The following PPAT variants were observed in gnomAD, a reference collection of about 807,000 sequenced individuals.
PPAT encodes amidophosphoribosyltransferase.
PPAT carries 20 observed loss-of-function variants against 60.2 expected under a neutral mutation model. The observed-to-expected ratio is 0.33, with a 90% confidence interval of 0.23 to 0.48. The LOEUF is 0.48. PPAT is among the 20% of genes least tolerant of loss of function. The pLI, the probability that PPAT is intolerant of heterozygous loss-of-function variation, is 0.99. For synonymous variants in PPAT, 194 were observed against 215.1 expected, an observed-to-expected ratio of 0.90 and a Z score of 0.86; for missense variants, 349 against 629.6, an observed-to-expected ratio of 0.55 and a Z score of 4.77.
At chr4:56,417,942 C>T (rs568271225) in intron 1 of PPAT, among the ~76,000 whole-genome samples, 10 of 150,238 alleles carry the variant, frequency 6.7e-5, no homozygotes, top group African/African-American at 1.7e-4. Flanking sequence ...CAGGTTCAAG[C>T]GATTCTCCTG....
intron 1 of PPAT, chr4:56,419,995 A>G (rs1173264315): frequency 3.6e-5 from 35 of 985,158 alleles, no homozygotes; most frequent in Non-Finnish European, 4.2e-5. Flanking sequence ...GAATCCCAAG[A>G]TGGAGAACAT....
At chr4:56,433,349 C>A (rs1717702741) in intron 1 of PPAT, among the ~76,000 whole-genome samples, 1 of 137,228 alleles carries the variant, frequency 7.3e-6, no homozygotes. Context: ...CACAGAAAAG[C>A]AACTATAGAA....
At chr4:56,401,297 A>G (rs564997646) in intron 7 of PPAT, 33 bp downstream of exon 7, 6 of 1,533,420 alleles carry the variant, frequency 3.9e-6, no homozygotes, top group South Asian at 3.7e-5. Flanking sequence ...TAAAACATTT[A>G]TATGAATGTT....
At chr4:56,409,685 T>C (rs866621924) in intron 1 of PPAT, among the ~76,000 whole-genome samples, 4 of 152,362 alleles carry the variant, frequency 2.6e-5, no homozygotes, top group Admixed American at 2.0e-4. Flanking sequence ...TTTTAATAGT[T>C]CTGAACAAGT....
chr4:56,422,515 G>C (rs1357021687), intron 1 of PPAT: 1 of 138,144 alleles, frequency 7.2e-6, no homozygotes, highest in Non-Finnish European at 1.6e-5. Flanking sequence ...GTGTGTGTGT[G>C]TGACAAAGTA....
intron 3 of PPAT, 119 bp downstream of exon 3, chr4:56,406,376 C>T: frequency 1.0e-6 from 1 of 994,760 alleles, no homozygotes; most frequent in South Asian, 1.5e-5. Flanking sequence ...TTGTTTGTTG[C>T]AGTTAGGTAA....
At chr4:56,410,681 T>G (rs998838330) in intron 1 of PPAT, 1 of 986,574 alleles carries the variant, frequency 1.0e-6, no homozygotes, top group Non-Finnish European at 1.2e-6. Context: ...ATACAGAGAC[T>G]GGAAACAGTG....
chr4:56,422,456 TA>T (rs1220759844), intron 1 of PPAT: 2 of 130,952 alleles, frequency 1.5e-5, no homozygotes, highest in Admixed American at 1.6e-4. Context: ...ACACATAAAA[TA>T]ATATTCTGGT....
chr4:56,414,685 T>C (rs1716630152), intron 1 of PPAT, among the ~76,000 whole-genome samples: 1 of 152,192 alleles, frequency 6.6e-6, no homozygotes, highest in South Asian at 2.1e-4. Context: ...GTATGTTTGG[T>C]CCAGACTCTT....
chr4:56,397,984 G>C (rs753622278), intron 9 of PPAT, among the ~76,000 whole-genome samples: 1 of 152,130 alleles, frequency 6.6e-6, no homozygotes, highest in Non-Finnish European at 1.5e-5. Flanking sequence ...GGAGGTTGCA[G>C]TAAGCTGAGA....
intron 9 of PPAT, 143 bp downstream of exon 9, chr4:56,399,036 C>G (rs1394417782): frequency 1.5e-6 from 1 of 661,918 alleles, no homozygotes; most frequent in African/African-American, 1.8e-5. Flanking sequence ...CAAGTTGCTA[C>G]ACAGTTATTC....
intron 1 of PPAT, among the ~76,000 whole-genome samples, chr4:56,435,080 G>C (rs1717824149): frequency 6.6e-6 from 1 of 152,188 alleles, no homozygotes; most frequent in Non-Finnish European, 1.5e-5. Context: ...CCAGCCTCTG[G>C]ATGGGTGCAC....
chr4:56,395,206 G>GA lies in PPAT; in HGVS notation c.*145dup, dbSNP rs34605681. 184,857 of 593,638 alleles carry GA rather than the reference G, an allele frequency of 0.31. 10,779 individuals are homozygous for GA. The highest frequency in any genetic ancestry group is 0.51 in the East Asian group (12,768 of 25,190). 36.8% of individuals were successfully genotyped at this position (593,638 alleles called of 1,614,324 possible). On this transcript the variant is annotated 3_prime_UTR_variant, in exon 11 of 11. Transcript: ENST00000264220. ...TTATCGCACTTTGGTATCCTTTTCA[G>GA]AAAAAAAAAAAATCTCAAAACTTAT...
chr4:56,417,078 A>G (rs754711131), intron 1 of PPAT, among the ~76,000 whole-genome samples: 1 of 152,062 alleles, frequency 6.6e-6, no homozygotes, highest in Non-Finnish European at 1.5e-5. Flanking sequence ...AGAACTCTCG[A>G]CCTCTGGTGA....
chr4:56,419,709 A>G, intron 1 of PPAT: 1 of 981,854 alleles, frequency 1.0e-6, no homozygotes, highest in Non-Finnish European at 1.2e-6. Context: ...GCCAGAAGTC[A>G]GGGCTCTAAT....
intron 1 of PPAT, among the ~76,000 whole-genome samples, chr4:56,410,359 T>G (rs1716385146): frequency 6.6e-6 from 1 of 152,230 alleles, no homozygotes; most frequent in South Asian, 2.1e-4. Context: ...CAAAGCCTGC[T>G]TATTTGGCAG....
At chr4:56,410,773 G>T in intron 1 of PPAT, 1 of 987,258 alleles carries the variant, frequency 1.0e-6, no homozygotes. Flanking sequence ...CTAAAACTAT[G>T]AAGTTCTTCC....
chr4:56,422,283 T>TA (rs1472217002), intron 1 of PPAT: 4 of 151,800 alleles, frequency 2.6e-5, no homozygotes, highest in Non-Finnish European at 4.4e-5. Context: ...CAAAAACAAA[T>TA]AAATAATCTA....
intron 1 of PPAT, among the ~76,000 whole-genome samples, chr4:56,409,202 C>T (rs1488878624): frequency 6.7e-6 from 1 of 149,124 alleles, no homozygotes; most frequent in Non-Finnish European, 1.5e-5. Flanking sequence ...CACACTAAAG[C>T]AATAGAAAGG....
Sources: allele counts gnomAD v4.1 joint callset (sites outside exome capture counted in the v4.1 genomes callset), GRCh38; gene constraint gnomAD v4.1.1; transcripts MANE v1.5; gene names NCBI Gene and HGNC (gene_info 2026-07-23, HGNC 2026-07-21).